The following SLC14A2 variants were observed in gnomAD, a reference collection of about 807,000 sequenced individuals.
The protein encoded by SLC14A2 is solute carrier family 14 member 2, also known as urea transporter 2.
Under a neutral mutation model 104.6 loss-of-function variants are expected in SLC14A2, and 91 were observed. The ratio of observed to expected loss-of-function variants is 0.87; its 90% CI spans 0.73 to 1.04. The LOEUF is 1.04. Ranked by LOEUF, SLC14A2 falls within the 50% of genes least tolerant of loss-of-function variation. SLC14A2 has a pLI of 0.00. For missense variants in SLC14A2, 1,189 were observed against 1,156.0 expected (o/e 1.03, Z -0.41); for synonymous variants, 476 against 466.4 (o/e 1.02, Z -0.27).
At chr18:45,658,457 T>C (rs1280081337) in intron 10 of SLC14A2, among the ~76,000 whole-genome samples, 1 of 152,090 alleles carries the variant, frequency 6.6e-6, no homozygotes, top group Admixed American at 6.6e-5. Context: ...GTCTCACACC[T>C]GTAGTCCCAG....
chr18:45,171,938 T>G, the SLC14A2 span, among the ~76,000 whole-genome samples: 1 of 152,126 alleles, frequency 6.6e-6, no homozygotes, highest in African/African-American at 2.4e-5. Context: ...AAATCACTAC[T>G]GGTATCTTAC....
At chr18:45,207,415 GAGAGAA>G in the SLC14A2 span, among the ~76,000 whole-genome samples, 9 of 150,564 alleles carry the variant, frequency 6.0e-5, no homozygotes, top group Non-Finnish European at 1.3e-4. Context: ...GAGAGAGAAA[GAGAGAA>G]AGAAAAAAGA....
chr18:45,267,211 A>G lies in SLC14A2; in HGVS notation c.-125+54020A>G, dbSNP rs371971105. ...GTTTTCAAACATGAGGTAGGTGGGT[A>G]TGTCACAGCAGTCTACTGAGATCTG... On this transcript the variant is annotated intron_variant, in intron 1 of 20. Coordinates refer to the SLC14A2 transcript ENST00000586448. 9.9e-5 allele frequency among the ~76,000 whole-genome samples: 15 copies of G among 152,256 alleles called. No individual in the cohort carries two copies. The South Asian group carries it at 2.7e-3, about 27-fold the overall frequency.
chr18:45,633,008 A>AT (rs1039140841), intron 5 of SLC14A2, among the ~76,000 whole-genome samples: 2 of 152,158 alleles, frequency 1.3e-5, no homozygotes, highest in South Asian at 4.2e-4. Flanking sequence ...AAAAGACAAC[A>AT]TTTTTTTTAT....
At chr18:45,330,630 T>C (rs973231797) in intron 1 of SLC14A2, among the ~76,000 whole-genome samples, 1 of 152,216 alleles carries the variant, frequency 6.6e-6, no homozygotes, top group Non-Finnish European at 1.5e-5. Flanking sequence ...ATAGATCCTT[T>C]TTCAGCTCTG....
intron 1 of SLC14A2, among the ~76,000 whole-genome samples, chr18:45,307,417 C>CAAAAAAA (rs71373705): frequency 1.7e-5 from 1 of 57,434 alleles, no homozygotes; most frequent in Admixed American, 1.8e-4. Flanking sequence ...GACTCCATCT[C>CAAAAAAA]AAAAAAAAAA....
At chr18:45,306,284 G>T (rs1470924407) in intron 1 of SLC14A2, among the ~76,000 whole-genome samples, 1 of 152,134 alleles carries the variant, frequency 6.6e-6, no homozygotes, top group African/African-American at 2.4e-5. Flanking sequence ...TTAAAACTAA[G>T]GGCCATAAAG....
chr18:45,363,002 C>T (rs747224657), intron 1 of SLC14A2, among the ~76,000 whole-genome samples: 8 of 152,164 alleles, frequency 5.3e-5, no homozygotes, highest in Non-Finnish European at 7.3e-5. Flanking sequence ...CAGGGCCTGG[C>T]ACTTTTCTGC....
At chr18:45,511,434 A>T (rs1198373836) in intron 2 of SLC14A2, among the ~76,000 whole-genome samples, 1 of 152,144 alleles carries the variant, frequency 6.6e-6, no homozygotes, top group Non-Finnish European at 1.5e-5. Flanking sequence ...TTGTCCCCTA[A>T]GTCGACTCTT....
intron 2 of SLC14A2, among the ~76,000 whole-genome samples, chr18:45,558,981 G>T (rs1204287906): frequency 6.6e-6 from 1 of 152,046 alleles, no homozygotes; most frequent in Non-Finnish European, 1.5e-5. Context: ...AGTAGAGACG[G>T]GGTTTCACCA....
At chr18:45,312,774 C>T (rs892276556) in intron 1 of SLC14A2, among the ~76,000 whole-genome samples, 10 of 152,184 alleles carry the variant, frequency 6.6e-5, no homozygotes, top group African/African-American at 2.4e-4. Context: ...GTGTTAATTT[C>T]ACGTTTTCCA....
At chr18:45,503,839 A>AC (rs879355523) in intron 2 of SLC14A2, among the ~76,000 whole-genome samples, 2 of 151,716 alleles carry the variant, frequency 1.3e-5, no homozygotes, top group South Asian at 2.1e-4. Flanking sequence ...ATTATCAAAG[A>AC]TACCACTGGA....
At chr18:45,674,422 CT>C (rs2046193188) in intron 18 of SLC14A2, among the ~76,000 whole-genome samples, 1 of 152,016 alleles carries the variant, frequency 6.6e-6, no homozygotes, top group Admixed American at 6.6e-5. Flanking sequence ...GGAAGATGTT[CT>C]GGATCAGCTA....
chr18:45,486,091 A>C (rs2087600079), intron 2 of SLC14A2, among the ~76,000 whole-genome samples: 2 of 152,172 alleles, frequency 1.3e-5, no homozygotes, highest in South Asian at 4.1e-4. Flanking sequence ...AAAGCATACC[A>C]TCTAGATAAG....
chr18:45,318,149 T>G (rs1250424299), intron 1 of SLC14A2, among the ~76,000 whole-genome samples: 1 of 152,194 alleles, frequency 6.6e-6, no homozygotes, highest in African/African-American at 2.4e-5. Flanking sequence ...CTGGCAGGCT[T>G]CCAGGAGTGG....
the SLC14A2 span, among the ~76,000 whole-genome samples, chr18:45,177,548 C>T: frequency 2.0e-5 from 3 of 152,202 alleles, no homozygotes; most frequent in South Asian, 2.1e-4. Context: ...TCCTGTTTCC[C>T]GCATCTGGAA....
chr18:45,657,337 A>AAT (rs1468660147), intron 10 of SLC14A2, among the ~76,000 whole-genome samples: 20 of 151,720 alleles, frequency 1.3e-4, no homozygotes, highest in African/African-American at 4.6e-4. Flanking sequence ...AAAAAAAAAA[A>AAT]TTAGCTAGGA....
chr18:45,186,036 T>G, the SLC14A2 span, among the ~76,000 whole-genome samples: 1 of 152,206 alleles, frequency 6.6e-6, no homozygotes, highest in Non-Finnish European at 1.5e-5. Flanking sequence ...ATTGTTAAGA[T>G]GTCAATTATT....
intron 1 of SLC14A2, among the ~76,000 whole-genome samples, chr18:45,478,669 A>G (rs917750477): frequency 3.4e-4 from 51 of 152,196 alleles, no homozygotes; most frequent in African/African-American, 9.7e-4. Context: ...GAGCCAGCCT[A>G]TAATGTCATC....
Sources: allele counts gnomAD v4.1 joint callset (sites outside exome capture counted in the v4.1 genomes callset), GRCh38; gene constraint gnomAD v4.1.1; transcripts MANE v1.5; gene names NCBI Gene and HGNC (gene_info 2026-07-23, HGNC 2026-07-21).